Variants in KCNH2 observed in about 807,000 individuals in gnomAD.
KCNH2 encodes the protein potassium voltage-gated channel subfamily H member 2, also known as voltage-gated inwardly rectifying potassium channel KCNH2.
Under a neutral mutation model 95.9 loss-of-function variants are expected in KCNH2, and 35 were observed. The observed-to-expected ratio is 0.37, with a 90% confidence interval of 0.28 to 0.48. KCNH2 has a LOEUF of 0.48. KCNH2 is among the 20% of genes least tolerant of loss of function. The pLI is 0.99. For synonymous variants in KCNH2, 786 were observed against 754.7 expected, an observed-to-expected ratio of 1.04 and a Z score of -0.68; for missense variants, 1,274 against 1,702.9, an observed-to-expected ratio of 0.75 and a Z score of 4.43.
In KCNH2 at chr7:150,977,936, G is replaced by A. The variant is rs779436404; in HGVS notation, c.-23C>T. On this transcript the variant is annotated 5_prime_UTR_variant, in exon 1 of 15. Coordinates refer to ENST00000262186, the MANE Select transcript of KCNH2 (RefSeq NM_000238.4). Reference sequence around the variant, plus strand: ...CATCCTGAGCCCATGGGCGGGCCGGGCGGGCCCCCACCCACCCCGGCCCGG... The same window carrying A: ...CATCCTGAGCCCATGGGCGGGCCGGACGGGCCCCCACCCACCCCGGCCCGG... 2.5e-5 allele frequency: 40 copies of A among 1,569,810 alleles called. No individual in the cohort carries two copies. Among genetic ancestry groups the A allele is most frequent in the South Asian group, 1.0e-4 (9 of 87,288 alleles).
At chr7:150,957,570 T>C (rs1801419608) in intron 4 of KCNH2, 68 bp from the exon 5 acceptor site, 1 of 1,184,534 alleles carries the variant, frequency 8.4e-7, no homozygotes, top group Admixed American at 1.8e-5. Context: ...CACCCATAGA[T>C]CGAGAGTGGA....
chr7:150,945,478 C>G lies in KCNH2; in HGVS notation c.3367G>C (p.Gly1123Arg), dbSNP rs749750309. 6.4e-7 allele frequency: 1 copy of G among 1,560,152 alleles called. No individual in the cohort carries two copies. Among genetic ancestry groups the G allele is most frequent in the Non-Finnish European group, 8.7e-7 (1 of 1,152,224 alleles). Residue 1123 changes from glycine to arginine, a missense_variant, in exon 15 of 15, where the codon GGG (glycine) becomes CGG (arginine). Physicochemically the swap from Gly to Arg is moderately radical, Grantham distance 125 (BLOSUM62 -2). Around this residue, in one of 7 missense-constraint regions of KCNH2, gnomAD observed 457 missense variants for 416.1 expected, o/e 1.10. Coordinates refer to ENST00000262186, the MANE Select transcript of KCNH2 (RefSeq NM_000238.4). This position sits in a 1 kb window ranked among gnomAD's most constrained non-coding sequence, Gnocchi z 5.6. ...QFMACEELPP[G>R]APELPQEGPT... ...CCTTCTTGGGGAAGCTCTGGGGCCC[C>G]CGGGGGCAGCTCCTCACACGCCATG...
intron 9 of KCNH2, chr7:150,949,949 G>A (rs1204159213): frequency 9.1e-6 from 14 of 1,538,670 alleles, no homozygotes; most frequent in Non-Finnish European, 1.2e-5. Context: ...CTGAAGGGAA[G>A]GAGAATGTGG....
chr7:150,950,281 T>C lies in KCNH2; in HGVS notation c.2285A>G (p.His762Arg). 1.2e-6 allele frequency: 2 copies of C among 1,613,494 alleles called. No individual in the cohort carries two copies. Among genetic ancestry groups the C allele is most frequent in the Non-Finnish European group, 1.7e-6 (2 of 1,179,846 alleles). ...CACCAGTGTGTCCCCTGGCGGTGCATGTGTGGTCTTGAACTTCATGGCCAG... is the reference window on the plus strand; with the variant it reads ...CACCAGTGTGTCCCCTGGCGGTGCACGTGTGGTCTTGAACTTCATGGCCAG... Reference protein sequence around the residue: ...RALAMKFKTTHAPPGDTLVHA... With the variant: ...RALAMKFKTTRAPPGDTLVHA... The change falls in exon 9 of 15, where the codon CAT becomes CGT. Residue 762 changes from histidine (H) to arginine (R), a missense_variant. Around this residue, in one of 7 missense-constraint regions of KCNH2, gnomAD observed 159 missense variants for 282.5 expected, o/e 0.56. Coordinates refer to ENST00000262186, the MANE Select transcript of KCNH2 (RefSeq NM_000238.4).
intron 2 of KCNH2, among the ~76,000 whole-genome samples, chr7:150,967,285 T>C (rs949995327): frequency 2.0e-5 from 3 of 151,754 alleles, no homozygotes; most frequent in Non-Finnish European, 2.9e-5. Context: ...TCTGAAAAAA[T>C]TAATTAATTA....
At chr7:150,948,416 T>TCCTCCCCCCCCCCCCCCC in intron 11 of KCNH2, 28 bp downstream of exon 11, 3 of 402,876 alleles carry the variant, frequency 7.4e-6, no homozygotes, top group Admixed American at 3.4e-5. Flanking sequence ...GTCCCCGCCC[T>TCCTCCCCCCCCCCCCCCC]CCCCCTTCCT....
Position 150,961,294 on chromosome 7 carries a change from CTTT to C in KCNH2, c.308-1561_308-1559del, listed in dbSNP as rs58129336. Among the ~76,000 whole-genome samples, 1 of 122,126 alleles carries C rather than the reference CTTT, an allele frequency of 8.2e-6. No individual in the cohort carries two copies. The allele number at this position is 122,126 out of a possible 152,430, so 80.1% of individuals were successfully genotyped here. On this transcript the variant is annotated intron_variant, in intron 2 of 14. Coordinates refer to ENST00000262186, the MANE Select transcript of KCNH2 (RefSeq NM_000238.4). This position sits in a 1 kb window ranked among gnomAD's most constrained non-coding sequence, Gnocchi z 6.2. ...ACTCCATCTTAGCAACCCAGCCTCACTTTTTTTTTTTTTTTTTTTCTGAGACAG... is the reference window on the plus strand; with the variant it reads ...ACTCCATCTTAGCAACCCAGCCTCACTTTTTTTTTTTTTTTTCTGAGACAG...
Position 150,953,290 on chromosome 7 carries a change from A to G in KCNH2, c.1129-437T>C, listed in dbSNP as rs375556510. Among the ~76,000 whole-genome samples, 12 of 152,154 alleles carry G rather than the reference A, an allele frequency of 7.9e-5. No homozygotes were observed. The South Asian group carries it at 1.0e-3, about 13-fold the overall frequency. ...AGTGGCCCCAGGAGCCATAGCCCCA[A>G]TCCACTGACTGGTAGTCACTGCAGT... On this transcript the variant is annotated intron_variant, in intron 5 of 14. Coordinates refer to ENST00000262186, the MANE Select transcript of KCNH2 (RefSeq NM_000238.4).
At chr7:150,971,429 C>T (rs1801836817) in intron 2 of KCNH2, among the ~76,000 whole-genome samples, 1 of 152,114 alleles carries the variant, frequency 6.6e-6, no homozygotes, top group African/African-American at 2.4e-5. Context: ...TGGCAACTGG[C>T]CTGCAGCTGG....
At chr7:150,976,197 G>A (rs1344953947) in intron 1 of KCNH2, among the ~76,000 whole-genome samples, 3 of 152,108 alleles carry the variant, frequency 2.0e-5, no homozygotes, top group Non-Finnish European at 4.4e-5. Context: ...TAGCCCTCAG[G>A]TTGCAGCCCT....
chr7:150,975,012 A>G, intron 1 of KCNH2, 71 bp from the exon 2 acceptor site: 3 of 1,361,068 alleles, frequency 2.2e-6, no homozygotes, highest in Non-Finnish European at 2.0e-6. Flanking sequence ...CCTTCCCCAC[A>G]TTCTCCACTC....
intron 2 of KCNH2, among the ~76,000 whole-genome samples, chr7:150,964,964 A>G (rs1801662996): frequency 1.3e-5 from 2 of 152,212 alleles, no homozygotes; most frequent in Admixed American, 6.5e-5. Flanking sequence ...GGCCAGGGAC[A>G]TTGCAGGCCC....
intron 2 of KCNH2, among the ~76,000 whole-genome samples, chr7:150,971,503 G>A (rs189194429): frequency 1.1e-3 from 174 of 152,186 alleles, no homozygotes; most frequent in African/African-American, 1.6e-3. Flanking sequence ...ACAAGCTCCC[G>A]GGGACACAGG....
intron 2 of KCNH2, among the ~76,000 whole-genome samples, chr7:150,974,156 C>T (rs1392850242): frequency 6.6e-6 from 1 of 152,030 alleles, no homozygotes; most frequent in Non-Finnish European, 1.5e-5. Context: ...ACTGAGGTTG[C>T]GGGGAGAGGC....
In KCNH2 at chr7:150,948,371, G is replaced by A. The variant is rs1270934122; in HGVS notation, c.2692+73C>T. On this transcript the variant is annotated intron_variant, in intron 11 of 14. Transcript: ENST00000262186. Reference sequence around the variant, plus strand: ...TCTGAGGCCTGGGTAAAGCAGACACGGCCCACCCCGCCTTCCAGCTCCCAG... The same window carrying A: ...TCTGAGGCCTGGGTAAAGCAGACACAGCCCACCCCGCCTTCCAGCTCCCAG... 1.6e-5 allele frequency: 20 copies of A among 1,252,484 alleles called. No individual in the cohort carries two copies. In the African/African-American group the frequency reaches 2.1e-4, roughly 13 times the overall value. 77.6% of individuals were successfully genotyped at this position (1,252,484 alleles called of 1,614,324 possible). A position where few individuals can be genotyped will look rare whatever the true frequency, so the allele number is the denominator to read the frequency against.
Position 150,950,218 on chromosome 7 carries a change from G to A in KCNH2, c.2348C>T (p.Ser783Phe). ...CCGCAGGATCTCGATGGAGCCCCGG[G>A]AGATGAAGTACAGGGCGGTGAGCAG... ...GDLLTALYFISRGSIEILRGD... is the reference protein window; with the variant it reads ...GDLLTALYFIFRGSIEILRGD... The change falls in exon 9 of 15, where the codon TCC (serine) becomes TTC (phenylalanine). Residue 783 changes from serine (S) to phenylalanine (F), a missense_variant. Physicochemically the swap from Ser to Phe is radical, Grantham distance 155. Around this residue, in one of 7 missense-constraint regions of KCNH2, gnomAD observed 159 missense variants for 282.5 expected, o/e 0.56. Coordinates refer to ENST00000262186, the MANE Select transcript of KCNH2 (RefSeq NM_000238.4). The A allele has an allele frequency of 6.2e-7, 1 of 1,613,172 alleles. No individual in the cohort carries two copies. The highest frequency in any genetic ancestry group is 8.5e-7 in the Non-Finnish European group (1 of 1,179,754).
In KCNH2 at chr7:150,949,066, G is replaced by A. The variant is rs1801034443; in HGVS notation, c.2399-17C>T. ...CATTCTTCCCTGGAGGCCATGGAGAGGACAGGGAGCTCAGCCCCGGGGGGC... is the reference window on the plus strand; with the variant it reads ...CATTCTTCCCTGGAGGCCATGGAGAAGACAGGGAGCTCAGCCCCGGGGGGC... On this transcript the variant is annotated splice_polypyrimidine_tract_variant and intron_variant, in intron 9 of 14. Coordinates refer to ENST00000262186, the MANE Select transcript of KCNH2 (RefSeq NM_000238.4). 2 of 1,610,898 alleles carry A rather than the reference G, an allele frequency of 1.2e-6. No individual in the cohort carries two copies. The highest frequency in any genetic ancestry group is 1.7e-6 in the Non-Finnish European group (2 of 1,177,508).
At chr7:150,948,731 A>T (rs1801019605) in intron 10 of KCNH2, 125 bp downstream of exon 10, 1 of 1,110,108 alleles carries the variant, frequency 9.0e-7, no homozygotes, top group African/African-American at 1.5e-5. Flanking sequence ...AGGCTGCTCT[A>T]TGATACCATT....
intron 2 of KCNH2, among the ~76,000 whole-genome samples, chr7:150,974,048 A>C (rs1463356418): frequency 6.6e-6 from 1 of 152,212 alleles, no homozygotes; most frequent in Admixed American, 6.5e-5. Context: ...GCTCTCCGGA[A>C]GCCCAGAGCA....
Sources: gnomAD v4.1 joint callset for allele counts (sites outside exome capture counted in the v4.1 genomes callset) on GRCh38, gnomAD v4.1.1 for gene constraint, gnomAD v4.1.1 regional missense constraint, Gnocchi (gnomAD v3.1) non-coding constraint, MANE v1.5 for transcripts, NCBI Gene and HGNC (gene_info 2026-07-23, HGNC 2026-07-21) for gene names.